SERINC3: variants seen among roughly 807,000 people sequenced by gnomAD.
SERINC3 encodes the protein tumor differentially expressed protein 1.
SERINC3 carries 22 observed loss-of-function variants against 52.1 expected under a neutral mutation model. The ratio of observed to expected loss-of-function variants is 0.42; its 90% CI spans 0.30 to 0.60. The LOEUF (loss-of-function observed/expected upper bound fraction) is 0.60, where lower values mean the gene tolerates loss of function less well. Among genes scored for constraint, SERINC3 ranks in the 20% least tolerant of loss-of-function variants. The pLI is 0.16. For missense variants in SERINC3, 564 were observed against 584.6 expected (o/e 0.96, Z 0.36); for synonymous variants, 226 against 212.7 (o/e 1.06, Z -0.54).
intron 1 of SERINC3, among the ~76,000 whole-genome samples, chr20:44,515,968 G>A (rs1259162032): frequency 1.3e-5 from 2 of 152,016 alleles, no homozygotes; most frequent in Non-Finnish European, 2.9e-5. Context: ...TAAACATTTT[G>A]AAATGGTTAA....
chr20:44,502,770 T>A (rs762244479), intron 8 of SERINC3, among the ~76,000 whole-genome samples: 11 of 152,028 alleles, frequency 7.2e-5, no homozygotes, highest in Non-Finnish European at 1.5e-4. Context: ...CACACCTGGC[T>A]AATTTTTATA....
Position 44,517,508 on chromosome 20 carries a change from A to G in SERINC3, c.40-3468T>C, listed in dbSNP as rs1008004041. Among the ~76,000 whole-genome samples the G allele has an allele frequency of 2.9e-4, 44 of 152,160 alleles. 1 individual carries two copies. The highest frequency in any genetic ancestry group is 1.0e-3 in the African/African-American group (42 of 41,430). ...AGGGGAAACTTGGACAAAGGCTTAC[A>G]ACACAGGGAGAATTCCACATGCCAT... is the stretch of plus-strand genomic sequence containing the variant. On this transcript the variant is annotated intron_variant, in intron 1 of 9. Coordinates refer to ENST00000342374, the MANE Select transcript of SERINC3 (RefSeq NM_006811.4).
At chr20:44,519,005 GC>G (rs1568792255) in intron 1 of SERINC3, among the ~76,000 whole-genome samples, 2 of 147,030 alleles carry the variant, frequency 1.4e-5, no homozygotes. Context: ...AGTTCTAACC[GC>G]CCCCTTTGAG....
Position 44,513,919 on chromosome 20 carries a change from T to C in SERINC3, c.161A>G (p.Tyr54Cys). The change falls in exon 2 of 10, where the codon TAT becomes TGT. Residue 54 changes from tyrosine to cysteine, a missense_variant. By Grantham distance (194) the Tyr-to-Cys change is radical. Coordinates refer to ENST00000342374, the MANE Select transcript of SERINC3 (RefSeq NM_006811.4). ...TTCCATCTCTTTTCTCTGCATGATATAGGATACGACAGTGCTCAGGAGGAG... is the reference window on the plus strand; with the variant it reads ...TTCCATCTCTTTTCTCTGCATGATACAGGATACGACAGTGCTCAGGAGGAG... ...FILLLSTVVSYIMQRKEMETY... is the reference protein window; with the variant it reads ...FILLLSTVVSCIMQRKEMETY... 1.9e-6 allele frequency: 3 copies of C among 1,613,296 alleles called. No individual in the cohort carries two copies. Among genetic ancestry groups the C allele is most frequent in the Non-Finnish European group, 2.5e-6 (3 of 1,179,590 alleles).
intron 8 of SERINC3, among the ~76,000 whole-genome samples, chr20:44,502,956 ACATT>A (rs1208885542): frequency 1.3e-5 from 2 of 152,242 alleles, no homozygotes; most frequent in Non-Finnish European, 2.9e-5. Context: ...AAGAAAACAT[ACATT>A]CATTTATAAT....
chr20:44,521,912 C>A lies in SERINC3; in HGVS notation c.39+1G>T. 1.2e-6 allele frequency: 2 copies of A among 1,609,824 alleles called. No homozygotes were observed. The highest frequency in any genetic ancestry group is 1.7e-6 in the Non-Finnish European group (2 of 1,178,272). ...GCGAGGACTCGGGACCCCGAACTCA[C>A]CCAGCTGGCGAGGGAGAAGACACCC... On this transcript the variant is annotated splice_donor_variant, in intron 1 of 9. Transcript: ENST00000342374. LOFTEE classifies it high-confidence loss of function.
chr20:44,508,011 T>C (rs965728720), intron 5 of SERINC3, among the ~76,000 whole-genome samples: 2 of 152,188 alleles, frequency 1.3e-5, no homozygotes, highest in African/African-American at 2.4e-5. Context: ...AGAAAACTAG[T>C]TTCTACTTAT....
intron 6 of SERINC3, 118 bp downstream of exon 6, chr20:44,506,709 A>G (rs2064316203): frequency 1.8e-6 from 1 of 546,162 alleles, no homozygotes; most frequent in South Asian, 6.6e-5. Context: ...AGACTTTATA[A>G]TATGGAAAAA....
intron 5 of SERINC3, 85 bp downstream of exon 5, chr20:44,509,806 G>A: frequency 1.4e-6 from 2 of 1,428,690 alleles, no homozygotes; most frequent in Non-Finnish European, 2.0e-6. Context: ...GAGGACTATA[G>A]CTGCTGGGAC....
At chr20:44,519,922 T>C (rs1003215520) in intron 1 of SERINC3, among the ~76,000 whole-genome samples, 1 of 152,206 alleles carries the variant, frequency 6.6e-6, no homozygotes, top group African/African-American at 2.4e-5. Context: ...CAGCGTCTTT[T>C]TGTATGCTAA....
In SERINC3 at chr20:44,510,216, A is replaced by G. The variant is rs546463289; in HGVS notation, c.476-188T>C. Among the ~76,000 whole-genome samples the G allele has an allele frequency of 2.0e-4, 30 of 152,320 alleles. No individual in the cohort carries two copies. In the South Asian group the frequency reaches 5.6e-3, roughly 28 times the overall value. On this transcript the variant is annotated intron_variant, in intron 4 of 9. Coordinates refer to ENST00000342374, the MANE Select transcript of SERINC3 (RefSeq NM_006811.4). ...TTCTACTGGGTTTCAGACCTTTTAAAATATGTTTTAGCTTGTGCCAAGGGA... is the reference window on the plus strand; with the variant it reads ...TTCTACTGGGTTTCAGACCTTTTAAGATATGTTTTAGCTTGTGCCAAGGGA...
At chr20:44,509,801 C>T (rs2064335937) in intron 5 of SERINC3, 90 bp downstream of exon 5, 3 of 1,384,546 alleles carry the variant, frequency 2.2e-6, no homozygotes, top group Admixed American at 1.7e-5. Flanking sequence ...TCCCTGAGGA[C>T]TATAGCTGCT....
intron 1 of SERINC3, among the ~76,000 whole-genome samples, chr20:44,518,942 C>T (rs2064398267): frequency 7.2e-6 from 1 of 138,152 alleles, no homozygotes; most frequent in South Asian, 2.4e-4. Context: ...CCAGCCTGGG[C>T]AACAAGAGTG....
At position 44,504,817 on chromosome 20, in the gene SERINC3, G is replaced by A. The variant is rs1241877466; in HGVS notation, c.858C>T (p.Ala286=). The A allele has an allele frequency of 6.2e-7, 1 of 1,610,516 alleles. No individual in the cohort carries two copies. Among genetic ancestry groups the A allele is most frequent in the East Asian group, 2.2e-5 (1 of 44,846 alleles). ...TTCCCTTACCAGGTTCATTGGACAT[G>A]GCTGACCAGGTGAGGTACATAGTGT... The part of the protein sequence containing the change: ...TLYTMYLTWS[A]MSNEPDRSCN... Residue 286 remains alanine (A), a synonymous_variant, in exon 7 of 10, where the codon GCC becomes GCT. Transcript: ENST00000342374.
At chr20:44,505,345 G>T (rs2064304882) in intron 6 of SERINC3, among the ~76,000 whole-genome samples, 1 of 151,410 alleles carries the variant, frequency 6.6e-6, no homozygotes, top group African/African-American at 2.4e-5. Context: ...TTTTTTCTGA[G>T]ACGGAGTCTC....
At chr20:44,504,241 T>C (rs2064297834) in intron 7 of SERINC3, among the ~76,000 whole-genome samples, 1 of 152,248 alleles carries the variant, frequency 6.6e-6, no homozygotes, top group Non-Finnish European at 1.5e-5. Context: ...ATTTTATTGG[T>C]TTTGTAGTTT....
intron 9 of SERINC3, 55 bp downstream of exon 9, chr20:44,501,018 T>G: frequency 7.6e-7 from 1 of 1,309,168 alleles, no homozygotes; most frequent in Non-Finnish European, 1.1e-6. Context: ...GATGAGATTT[T>G]ATAGGCCATC....
chr20:44,508,121 G>C (rs1390153558), intron 5 of SERINC3, among the ~76,000 whole-genome samples: 1 of 152,144 alleles, frequency 6.6e-6, no homozygotes, highest in Non-Finnish European at 1.5e-5. Context: ...TCTACACTTA[G>C]TTACTGTAAA....
chr20:44,520,127 TCAG>T (rs2064406414), intron 1 of SERINC3, among the ~76,000 whole-genome samples: 1 of 152,152 alleles, frequency 6.6e-6, no homozygotes, highest in Admixed American at 6.5e-5. Context: ...AGGACAAAGT[TCAG>T]AAGAACTTTT....
Sources: gnomAD v4.1 joint callset for allele counts (sites outside exome capture counted in the v4.1 genomes callset) on GRCh38, gnomAD v4.1.1 for gene constraint, MANE v1.5 for transcripts, NCBI Gene and HGNC (gene_info 2026-07-23, HGNC 2026-07-21) for gene names.